The following ANKS1A variants were observed in gnomAD, a reference collection of about 807,000 sequenced individuals.
The protein encoded by ANKS1A is ankyrin repeat and SAM domain-containing protein 1A.
A neutral mutation model predicts 120.3 loss-of-function variants in ANKS1A; 55 were observed. The ratio of observed to expected loss-of-function variants is 0.46; its 90% confidence interval spans 0.37 to 0.57. The LOEUF (loss-of-function observed/expected upper bound fraction) is 0.57, where lower values mean the gene tolerates loss of function less well. Among genes scored for constraint, ANKS1A ranks in the 20% least tolerant of loss-of-function variants. The pLI is 0.00. For synonymous variants in ANKS1A, 590 were observed against 604.7 expected (o/e 0.98, Z 0.36); for missense variants, 1,123 against 1,480.3 (o/e 0.76, Z 3.96).
chr6:34,910,094 G>A (rs1446985090), intron 1 of ANKS1A, among the ~76,000 whole-genome samples: 1 of 152,160 alleles, frequency 6.6e-6, no homozygotes, highest in East Asian at 1.9e-4. Flanking sequence ...TTTGGAAGAT[G>A]GATCAAAGGA....
In ANKS1A at chr6:35,081,048, A is replaced by G; in HGVS notation, c.2599A>G (p.Thr867Ala). 1 of 1,614,066 alleles carries G rather than the reference A, an allele frequency of 6.2e-7. No homozygotes were observed. ...SSPLSQNDSC[T>A]GRSADLLLPP... ...CCCACTGAGTCAGAATGATTCCTGCACTGGGCGGTCGGCAGATCTGCTGCT... is the reference window on the plus strand; with the variant it reads ...CCCACTGAGTCAGAATGATTCCTGCGCTGGGCGGTCGGCAGATCTGCTGCT... The change falls in exon 17 of 24, where the codon ACT becomes GCT. Residue 867 changes from threonine to alanine, a missense_variant. By Grantham distance (58) the Thr-to-Ala change is moderately conservative (BLOSUM62 0). Around this residue, in one of 3 missense-constraint regions of ANKS1A, gnomAD observed 904 missense variants for 1,130.4 expected, o/e 0.80. Transcript: ENST00000360359.
In ANKS1A at chr6:35,060,335, G is replaced by T; in HGVS notation, c.2184+82G>T. 1 of 1,273,024 alleles carries T rather than the reference G, an allele frequency of 7.9e-7. No homozygotes were observed. Among genetic ancestry groups the T allele is most frequent in the Non-Finnish European group, 1.1e-6 (1 of 896,290 alleles). 78.9% of individuals were successfully genotyped at this position (1,273,024 alleles called of 1,614,324 possible). A position where few individuals can be genotyped will look rare whatever the true frequency, so the allele number is the denominator to read the frequency against. ...CCTGGCCTCCCCTCTGGCCCCACAGGAGTCTGCAACAGTACGTAGACCCAA... is the reference window on the plus strand; with the variant it reads ...CCTGGCCTCCCCTCTGGCCCCACAGTAGTCTGCAACAGTACGTAGACCCAA... On this transcript the variant is annotated intron_variant, in intron 13 of 23. Coordinates refer to ENST00000360359, the MANE Select transcript of ANKS1A (RefSeq NM_015245.3). This position sits in a 1 kb window ranked among gnomAD's most constrained non-coding sequence, Gnocchi z 4.5.
chr6:35,059,021 G>T (rs567459672), intron 12 of ANKS1A, among the ~76,000 whole-genome samples: 1 of 152,230 alleles, frequency 6.6e-6, no homozygotes, highest in Non-Finnish European at 1.5e-5. Context: ...GACTTAAGCC[G>T]CCACAGCTCA....
At chr6:34,896,675 A>T (rs1028166452) in intron 1 of ANKS1A, among the ~76,000 whole-genome samples, 2 of 152,200 alleles carry the variant, frequency 1.3e-5, no homozygotes, top group Admixed American at 1.3e-4. Flanking sequence ...CAAAAAATAA[A>T]AAAACTAGGC....
chr6:34,998,954 C>T (rs1032535244), intron 10 of ANKS1A, among the ~76,000 whole-genome samples: 3 of 152,230 alleles, frequency 2.0e-5, no homozygotes, highest in South Asian at 2.1e-4. Flanking sequence ...GCCAAAGCAA[C>T]GCGGATCCTG....
chr6:35,021,023 C>T (rs757685812), intron 11 of ANKS1A, among the ~76,000 whole-genome samples: 11 of 152,210 alleles, frequency 7.2e-5, no homozygotes, highest in Non-Finnish European at 1.5e-4. Flanking sequence ...TGTAACCCTT[C>T]AATGTTGTTT....
intron 11 of ANKS1A, among the ~76,000 whole-genome samples, chr6:35,040,169 C>G (rs1581687160): frequency 6.6e-6 from 1 of 152,208 alleles, no homozygotes; most frequent in Non-Finnish European, 1.5e-5. Flanking sequence ...CTGCCACCTC[C>G]TCAGTTGCAA....
chr6:35,081,790 G>A (rs1439546087), intron 17 of ANKS1A, among the ~76,000 whole-genome samples: 1 of 152,140 alleles, frequency 6.6e-6, no homozygotes, highest in African/African-American at 2.4e-5. Context: ...ATTTCCAGGG[G>A]TCCTGGATTT....
chr6:34,952,541 T>C (rs943009766), intron 1 of ANKS1A, among the ~76,000 whole-genome samples: 3 of 152,144 alleles, frequency 2.0e-5, no homozygotes, highest in South Asian at 4.1e-4. Context: ...TAAAAACTCT[T>C]TGACAGATAG....
chr6:34,997,053 A>C (rs1772892205), intron 10 of ANKS1A, among the ~76,000 whole-genome samples: 1 of 152,028 alleles, frequency 6.6e-6, no homozygotes. Context: ...TTTCTTCTCC[A>C]TCCCCACACC....
Position 35,017,665 on chromosome 6 carries a change from A to G in ANKS1A, c.1616A>G (p.Lys539Arg). The G allele has an allele frequency of 6.2e-7, 1 of 1,614,002 alleles. No individual in the cohort carries two copies. The highest frequency in any genetic ancestry group is 8.5e-7 in the Non-Finnish European group (1 of 1,179,948). Residue 539 changes from lysine (K) to arginine (R), a missense_variant, in exon 11 of 24, where the codon AAG (lysine) becomes AGG (arginine). This residue lies in a region of ANKS1A where 904 missense variants were observed against 1,130.4 expected (regional missense o/e 0.80). Transcript: ENST00000360359. ...DGSPQQGACH[K>R]ASMQLEETGV... ...TCCCCCCAGCAGGGCGCCTGCCACA[A>G]GGCCAGCATGCAGCTGGAGGAGACG... is the stretch of plus-strand genomic sequence containing the variant.
intron 16 of ANKS1A, 148 bp downstream of exon 16, chr6:35,080,076 A>C: frequency 1.1e-6 from 1 of 907,746 alleles, no homozygotes; most frequent in Non-Finnish European, 1.6e-6. Context: ...GAGGAGGTTT[A>C]GAGAAGTTCC....
At chr6:34,977,911 A>G (rs1370025338) in intron 3 of ANKS1A, among the ~76,000 whole-genome samples, 1 of 152,062 alleles carries the variant, frequency 6.6e-6, no homozygotes, top group African/African-American at 2.4e-5. Context: ...CTAGGAGGTG[A>G]TAGTCCTGAA....
At chr6:35,016,480 C>T (rs978412116) in intron 10 of ANKS1A, among the ~76,000 whole-genome samples, 1 of 152,108 alleles carries the variant, frequency 6.6e-6, no homozygotes, top group Non-Finnish European at 1.5e-5. Flanking sequence ...TGAGTTCATG[C>T]AAGGAAAGCC....
the ANKS1A span, among the ~76,000 whole-genome samples, chr6:35,097,774 GTTC>G: frequency 9.2e-5 from 14 of 152,178 alleles, no homozygotes; most frequent in South Asian, 1.7e-3. Context: ...CTTGGAGACT[GTTC>G]TTCTTATACA....
chr6:35,068,256 T>C (rs1181190267), intron 13 of ANKS1A, among the ~76,000 whole-genome samples: 2 of 152,132 alleles, frequency 1.3e-5, no homozygotes, highest in African/African-American at 4.8e-5. Flanking sequence ...AATCTTTTAG[T>C]GTAGGGAAGA....
chr6:34,899,749 C>T (rs939514523), intron 1 of ANKS1A, among the ~76,000 whole-genome samples: 4 of 152,214 alleles, frequency 2.6e-5, no homozygotes. Flanking sequence ...GGAGGAGCCC[C>T]AGTCTTGGCT....
chr6:35,090,445 ACTC>A lies in ANKS1A; in HGVS notation c.*1840_*1842del, dbSNP rs1289640684. On this transcript the variant is annotated 3_prime_UTR_variant, in exon 24 of 24. Transcript: ENST00000360359. ...AAAGAAACCGCAGACACTACGATGC[ACTC>A]CTCAAGCTGTCTTTTGTGCTTAGAT... 4.2e-6 allele frequency: 5 copies of A among 1,177,128 alleles called. No homozygotes were observed. The African/African-American group carries it at 8.0e-5, about 19-fold the overall frequency. 72.9% of individuals were successfully genotyped at this position (1,177,128 alleles called of 1,614,324 possible).
At chr6:35,001,624 T>C (rs968729045) in intron 10 of ANKS1A, among the ~76,000 whole-genome samples, 6 of 152,250 alleles carry the variant, frequency 3.9e-5, no homozygotes, top group African/African-American at 1.4e-4. Flanking sequence ...GGAAGAAATT[T>C]AGCATTCCTT....
Sources: gnomAD v4.1 joint callset for allele counts (sites outside exome capture counted in the v4.1 genomes callset) on GRCh38, gnomAD v4.1.1 for gene constraint, gnomAD v4.1.1 regional missense constraint, Gnocchi (gnomAD v3.1) non-coding constraint, MANE v1.5 for transcripts, NCBI Gene and HGNC (gene_info 2026-07-23, HGNC 2026-07-21) for gene names.